Variants in COL4A5 observed in about 807,000 individuals in gnomAD.
COL4A5 encodes collagen type IV alpha 5 chain.
Under a neutral mutation model 130.2 loss-of-function variants are expected in COL4A5, and 26 were observed. The observed-to-expected ratio is 0.20, with a 90% CI of 0.15 to 0.28. COL4A5 has a LOEUF of 0.28. Ranked by LOEUF, COL4A5 falls within the 10% of genes least tolerant of loss-of-function variation. The probability of loss-of-function intolerance (pLI) is 1.00; values close to 1 mark genes in which losing one functional copy is unlikely to be tolerated. For missense variants in COL4A5, 1,131 were observed against 1,344.3 expected (o/e 0.84, Z 2.48); for synonymous variants, 496 against 439.6 (o/e 1.13, Z -1.60).
intron 30 of COL4A5, among the ~76,000 whole-genome samples, chrX:108,618,019 A>G (rs749809358): frequency 1.8e-5 from 2 of 111,984 alleles, no homozygotes; most frequent in African/African-American, 6.5e-5. Context: ...GTGTATGGAA[A>G]GTTCTCACGA....
At chrX:108,601,107 A>G (rs1179154449) in intron 25 of COL4A5, among the ~76,000 whole-genome samples, 1 of 111,437 alleles carries the variant, frequency 9.0e-6, no homozygotes, top group South Asian at 3.8e-4. Context: ...TTTACCAGCG[A>G]TCTCAGTATC....
chrX:108,450,468 C>G (rs1039861367), intron 1 of COL4A5, among the ~76,000 whole-genome samples: 1 of 111,772 alleles, frequency 8.9e-6, no homozygotes, highest in African/African-American at 3.3e-5. Context: ...CGGGCATTTT[C>G]TTGAAAATGA....
intron 9 of COL4A5, 47 bp from the exon 10 acceptor site, chrX:108,575,863 C>T (rs749525023): frequency 1.7e-5 from 15 of 895,574 alleles, no homozygotes; most frequent in Non-Finnish European, 2.4e-5. Context: ...CAATAAGGGG[C>T]TTGTTTTTCT....
In COL4A5 at chrX:108,601,422, A is replaced by G; in HGVS notation, c.1978A>G (p.Thr660Ala). Reference protein sequence around the residue: ...GPKGDPGQTITQPGKPGLPGN... With the variant: ...GPKGDPGQTIAQPGKPGLPGN... Reference sequence around the variant, plus strand: ...TAAAGGGGATCCAGGTCAGACTATAACCCAGCCGGGGAAGCCTGGCTTGCC... The same window carrying G: ...TAAAGGGGATCCAGGTCAGACTATAGCCCAGCCGGGGAAGCCTGGCTTGCC... Residue 660 changes from threonine to alanine, a missense_variant, in exon 26 of 53, where the codon ACC becomes GCC. Thr to Ala is a moderately conservative substitution (Grantham distance 58, BLOSUM62 0). Transcript: ENST00000328300. The G allele has an allele frequency of 8.3e-7, 1 of 1,208,339 alleles. No homozygotes were observed. The highest frequency in any genetic ancestry group is 1.8e-5 in the South Asian group (1 of 56,695).
At chrX:108,494,182 CAG>C (rs1357723597) in intron 1 of COL4A5, among the ~76,000 whole-genome samples, 2 of 111,432 alleles carry the variant, frequency 1.8e-5, no homozygotes, top group Non-Finnish European at 3.8e-5. Flanking sequence ...CAGGTCCAAA[CAG>C]ATCTAGCATT....
intron 1 of COL4A5, among the ~76,000 whole-genome samples, chrX:108,504,053 A>G (rs1477015650): frequency 5.4e-5 from 6 of 111,710 alleles, no homozygotes; most frequent in Non-Finnish European, 1.1e-4. Context: ...GCACATAACA[A>G]ATTGAAAAGA....
At chrX:108,663,902 C>T (rs373209221) in intron 37 of COL4A5, among the ~76,000 whole-genome samples, 24 of 111,365 alleles carry the variant, frequency 2.2e-4, no homozygotes, top group African/African-American at 7.5e-4. Context: ...ATATTGAAAA[C>T]GAGGCCGGGC....
intron 1 of COL4A5, among the ~76,000 whole-genome samples, chrX:108,445,023 AT>A (rs752068743): frequency 3.9e-4 from 41 of 105,453 alleles, no homozygotes; most frequent in African/African-American, 4.1e-4. Context: ...TATCTCACAT[AT>A]TTTTTTTTTT....
intron 47 of COL4A5, among the ~76,000 whole-genome samples, chrX:108,685,406 T>A (rs1446456736): frequency 8.9e-6 from 1 of 112,549 alleles, no homozygotes; most frequent in Non-Finnish European, 1.9e-5. Context: ...TCTTAGACTA[T>A]GTCAGGTTAC....
intron 1 of COL4A5, 153 bp downstream of exon 1, chrX:108,440,359 A>G (rs2064379398): frequency 1.5e-5 from 7 of 469,867 alleles, no homozygotes. Context: ...GTTATTTGCA[A>G]CACCGGTAAC....
chrX:108,485,880 A>C (rs1183927170), intron 1 of COL4A5, among the ~76,000 whole-genome samples: 30 of 110,750 alleles, frequency 2.7e-4, no homozygotes, highest in Non-Finnish European at 5.7e-5. Context: ...CCAGCTCAGC[A>C]CTGGGACTTG....
chrX:108,439,859 AG>A lies in COL4A5; in HGVS notation c.-266del, dbSNP rs1396165827. ...AAGTAGATCTGTAGGAATTGAGTGA[AG>A]AAAAAGTTTGCAAGTCTGGACAGAA... On this transcript the variant is annotated 5_prime_UTR_variant, in exon 1 of 53. Coordinates refer to ENST00000328300, the MANE Select transcript of COL4A5 (RefSeq NM_033380.3). 1 of 380,366 alleles carries A rather than the reference AG, an allele frequency of 2.6e-6. No homozygotes were observed. The highest frequency in any genetic ancestry group is 2.6e-5 in the African/African-American group (1 of 38,645). The allele number at this position is 380,366 out of a possible 1,213,427, so 31.3% of individuals were successfully genotyped here.
intron 50 of COL4A5, among the ~76,000 whole-genome samples, chrX:108,693,391 TG>T (rs1188909788): frequency 1.8e-5 from 2 of 111,128 alleles, no homozygotes; most frequent in Admixed American, 1.9e-4. Flanking sequence ...TAAATGACAA[TG>T]GGTAATAAAA....
intron 3 of COL4A5, among the ~76,000 whole-genome samples, chrX:108,561,597 G>A (rs1449815991): frequency 1.8e-5 from 2 of 109,359 alleles, no homozygotes; most frequent in Non-Finnish European, 3.8e-5. Flanking sequence ...TATATGAAAG[G>A]GCTACTTCTC....
intron 2 of COL4A5, among the ~76,000 whole-genome samples, chrX:108,543,585 A>T (rs2065587924): frequency 9.0e-6 from 1 of 111,425 alleles, no homozygotes; most frequent in African/African-American, 3.3e-5. Context: ...TGACTTGGCG[A>T]TGCAGGCTCT....
intron 1 of COL4A5, among the ~76,000 whole-genome samples, chrX:108,445,914 G>A (rs777560008): frequency 5.2e-4 from 58 of 111,232 alleles, no homozygotes; most frequent in African/African-American, 1.7e-3. Context: ...GATTATTGTT[G>A]TTTTTACTAT....
intron 1 of COL4A5, among the ~76,000 whole-genome samples, chrX:108,473,595 T>TTATATATATATATATGTATATATA (rs1569474829): frequency 1.7e-5 from 1 of 59,560 alleles, no homozygotes; most frequent in African/African-American, 5.5e-5. Context: ...ATATAAAGTT[T>TTATATATATATATATGTATATATA]TATATATATA....
chrX:108,607,187 C>A (rs1035834104), intron 29 of COL4A5, among the ~76,000 whole-genome samples: 1 of 109,243 alleles, frequency 9.2e-6, no homozygotes. Flanking sequence ...GCCAACATGG[C>A]GAAACCCCGT....
intron 42 of COL4A5, among the ~76,000 whole-genome samples, chrX:108,670,898 C>T (rs756987506): frequency 1.8e-5 from 2 of 110,731 alleles, no homozygotes; most frequent in Non-Finnish European, 3.8e-5. Context: ...AAAAATTATC[C>T]AGGCGTGTTG....
Sources: allele counts gnomAD v4.1 joint callset (sites outside exome capture counted in the v4.1 genomes callset), GRCh38; gene constraint gnomAD v4.1.1; transcripts MANE v1.5; gene names NCBI Gene and HGNC (gene_info 2026-07-23, HGNC 2026-07-21).